Variants in NOL4 observed in about 807,000 individuals in gnomAD.
The protein encoded by NOL4 is cancer/testis antigen 125.
In NOL4, 17 loss-of-function variants were observed where a neutral mutation model predicts 75.9. The observed-to-expected ratio is 0.22, with a 90% confidence interval of 0.15 to 0.34. NOL4 has a LOEUF of 0.34. NOL4 is among the 10% of genes least tolerant of loss of function. The pLI, the probability that NOL4 is intolerant of heterozygous loss-of-function variation, is 1.00. For synonymous variants in NOL4, 292 were observed against 289.9 expected (o/e 1.01, Z -0.07); for missense variants, 614 against 793.5 (o/e 0.77, Z 2.72).
chr18:34,191,806 C>T (rs1012525315), intron 1 of NOL4, among the ~76,000 whole-genome samples: 2 of 152,042 alleles, frequency 1.3e-5, no homozygotes, highest in African/African-American at 4.8e-5. Context: ...CCGACTACGC[C>T]AGCAGAGAAA....
chr18:33,881,058 A>G (rs2064236159), intron 10 of NOL4, among the ~76,000 whole-genome samples: 1 of 148,640 alleles, frequency 6.7e-6, no homozygotes. Context: ...AAAACAAAAC[A>G]AAGCAAAAAA....
At chr18:33,997,166 C>A (rs900391869) in intron 6 of NOL4, among the ~76,000 whole-genome samples, 2 of 151,790 alleles carry the variant, frequency 1.3e-5, no homozygotes, top group Non-Finnish European at 2.9e-5. Context: ...TTTGCCAAAG[C>A]GGATGTCCAG....
chr18:33,853,390 TACAA>T (rs1234978047), intron 10 of NOL4, among the ~76,000 whole-genome samples: 5 of 152,118 alleles, frequency 3.3e-5, no homozygotes, highest in Non-Finnish European at 7.4e-5. Flanking sequence ...TGATGGGAAT[TACAA>T]ACATTTTTCA....
At chr18:33,974,618 A>T (rs751037246) in intron 6 of NOL4, among the ~76,000 whole-genome samples, 4 of 152,212 alleles carry the variant, frequency 2.6e-5, no homozygotes, top group Non-Finnish European at 5.9e-5. Flanking sequence ...TCACAGTAAC[A>T]GATACAATAA....
chr18:34,191,681 C>A (rs985257468), intron 1 of NOL4, among the ~76,000 whole-genome samples: 1 of 152,068 alleles, frequency 6.6e-6, no homozygotes, highest in East Asian at 1.9e-4. Flanking sequence ...GAAAGCCTTA[C>A]AAAAGACTTT....
In NOL4 at chr18:34,122,620, A is replaced by G. The variant is rs988154970; in HGVS notation, c.414+7251T>C. On this transcript the variant is annotated intron_variant, in intron 2 of 10. Coordinates refer to ENST00000261592, the MANE Select transcript of NOL4 (RefSeq NM_003787.5). ...CCCTACAAAATAATAACATGCCAAC[A>G]TCACACATGTAGAACTTACACTATC... Among the ~76,000 whole-genome samples the G allele has an allele frequency of 2.6e-5, 4 of 152,144 alleles. No homozygotes were observed. In the East Asian group the frequency reaches 5.8e-4, roughly 22 times the overall value.
chr18:34,197,354 A>G (rs1317423072), intron 1 of NOL4, among the ~76,000 whole-genome samples: 3 of 152,008 alleles, frequency 2.0e-5, no homozygotes, highest in African/African-American at 7.2e-5. Flanking sequence ...ATAGTTCAGC[A>G]AGGAGAGGTC....
chr18:34,012,471 A>T (rs2074428854), intron 6 of NOL4, among the ~76,000 whole-genome samples: 1 of 151,890 alleles, frequency 6.6e-6, no homozygotes, highest in Non-Finnish European at 1.5e-5. Context: ...AGAATATGTG[A>T]TCTTTAAGTA....
intron 6 of NOL4, among the ~76,000 whole-genome samples, chr18:33,963,650 T>C (rs1298709077): frequency 6.6e-6 from 1 of 152,206 alleles, no homozygotes; most frequent in Non-Finnish European, 1.5e-5. Flanking sequence ...AACACAGGTG[T>C]TGGCTTATGG....
intron 6 of NOL4, among the ~76,000 whole-genome samples, chr18:33,962,304 C>A (rs917622304): frequency 5.3e-5 from 8 of 152,142 alleles, no homozygotes; most frequent in African/African-American, 1.9e-4. Context: ...GCACAGCCAC[C>A]AATCATTAGA....
intron 5 of NOL4, among the ~76,000 whole-genome samples, chr18:34,027,998 A>T (rs1048179094): frequency 4.6e-5 from 7 of 152,204 alleles, no homozygotes; most frequent in Admixed American, 4.6e-4. Context: ...TTCTCATCAA[A>T]TCAAAATTTA....
chr18:34,119,634 T>C (rs1211854881), intron 2 of NOL4, among the ~76,000 whole-genome samples: 3 of 152,156 alleles, frequency 2.0e-5, no homozygotes, highest in Non-Finnish European at 2.9e-5. Flanking sequence ...TTATTTTTAT[T>C]TTTTTGAAAA....
rs568011691 is a variant in NOL4 at position 33,918,136 on chromosome 18, C to T, written c.1542+24929G>A. Among the ~76,000 whole-genome samples, 4 of 152,282 alleles carry T rather than the reference C, an allele frequency of 2.6e-5. No homozygotes were observed. The South Asian group carries it at 8.3e-4, about 32-fold the overall frequency. Reference sequence around the variant, plus strand: ...CCCAAAGGCTTATTTCCCCTCAGGACTTGTCAGGAATGACAGACAGCTCAG... The same window carrying T: ...CCCAAAGGCTTATTTCCCCTCAGGATTTGTCAGGAATGACAGACAGCTCAG... On this transcript the variant is annotated intron_variant, in intron 9 of 10. Coordinates refer to ENST00000261592, the MANE Select transcript of NOL4 (RefSeq NM_003787.5).
intron 1 of NOL4, among the ~76,000 whole-genome samples, chr18:34,155,540 G>C (rs746779785): frequency 6.6e-6 from 1 of 152,012 alleles, no homozygotes; most frequent in African/African-American, 2.4e-5. Context: ...AGATGGCATA[G>C]ACTACTACAC....
At chr18:34,072,375 AG>A (rs1310880038) in intron 5 of NOL4, among the ~76,000 whole-genome samples, 2 of 152,208 alleles carry the variant, frequency 1.3e-5, no homozygotes, top group African/African-American at 4.8e-5. Flanking sequence ...CATCCCATAA[AG>A]ACCAATGGGT....
chr18:34,043,457 G>A (rs1249808634), intron 5 of NOL4, among the ~76,000 whole-genome samples: 1 of 151,808 alleles, frequency 6.6e-6, no homozygotes, highest in African/African-American at 2.4e-5. Context: ...GTTATACATA[G>A]GTACCCAAGA....
intron 1 of NOL4, among the ~76,000 whole-genome samples, chr18:34,163,174 C>T (rs1393694921): frequency 6.6e-6 from 1 of 152,158 alleles, no homozygotes; most frequent in Non-Finnish European, 1.5e-5. Context: ...CCTTTGAAAA[C>T]TGGCACAAGA....
chr18:34,018,102 A>G (rs988870637), intron 6 of NOL4, among the ~76,000 whole-genome samples: 12 of 152,218 alleles, frequency 7.9e-5, no homozygotes, highest in Non-Finnish European at 1.6e-4. Context: ...GACACATAGC[A>G]TAGAAAGAGC....
At chr18:33,993,493 T>C (rs944738550) in intron 6 of NOL4, among the ~76,000 whole-genome samples, 1 of 151,842 alleles carries the variant, frequency 6.6e-6, no homozygotes, top group African/African-American at 2.4e-5. Flanking sequence ...TGTTGGGGGT[T>C]AGGAGGTGGG....
Sources: gnomAD v4.1 joint callset for allele counts (sites outside exome capture counted in the v4.1 genomes callset) on GRCh38, gnomAD v4.1.1 for gene constraint, MANE v1.5 for transcripts, NCBI Gene and HGNC (gene_info 2026-07-23, HGNC 2026-07-21) for gene names.